Variants in UGGT2 observed in about 807,000 individuals in gnomAD.
The protein encoded by UGGT2 is UDP-glucose:glycoprotein glucosyltransferase 2.
In UGGT2, 180 loss-of-function variants were observed where a neutral mutation model predicts 192.1. That is an observed-to-expected ratio of 0.94 (90% CI 0.83 to 1.06). UGGT2 has a LOEUF of 1.06. Among genes scored for constraint, UGGT2 ranks in the 50% least tolerant of loss-of-function variants. UGGT2 has a pLI of 0.00. For missense variants in UGGT2, 1,849 were observed against 1,795.7 expected (o/e 1.03, Z -0.54); for synonymous variants, 580 against 591.0 (o/e 0.98, Z 0.27).
At chr13:95,992,373 G>C (rs2051485297) in intron 7 of UGGT2, among the ~76,000 whole-genome samples, 3 of 152,150 alleles carry the variant, frequency 2.0e-5, no homozygotes, top group African/African-American at 7.2e-5. Context: ...TCTTTCAGCA[G>C]TGTTTTGTAG....
chr13:95,827,930 T>A (rs950245963), intron 38 of UGGT2, among the ~76,000 whole-genome samples: 2 of 152,122 alleles, frequency 1.3e-5, no homozygotes, highest in Non-Finnish European at 2.9e-5. Context: ...AGTAACCAAT[T>A]CAGCATGAGA....
chr13:95,832,714 T>C (rs1459978738), intron 38 of UGGT2: 2 of 651,850 alleles, frequency 3.1e-6, no homozygotes, highest in South Asian at 1.4e-5. Context: ...TATAGAGTTA[T>C]GAGCTGAAGC....
chr13:95,879,811 ATTTT>A (rs1170280012), intron 27 of UGGT2, among the ~76,000 whole-genome samples: 1 of 152,124 alleles, frequency 6.6e-6, no homozygotes, highest in African/African-American at 2.4e-5. Flanking sequence ...TTCCCTTTAT[ATTTT>A]TATTTTCTGT....
At chr13:96,013,268 C>T in intron 5 of UGGT2, 39 bp downstream of exon 5, 1 of 1,518,126 alleles carries the variant, frequency 6.6e-7, no homozygotes, top group African/African-American at 1.4e-5. Context: ...TTGTTTTTTT[C>T]TACAGCCAAA....
At chr13:95,973,438 T>C (rs1566780583) in intron 10 of UGGT2, among the ~76,000 whole-genome samples, 1 of 152,232 alleles carries the variant, frequency 6.6e-6, no homozygotes, top group Non-Finnish European at 1.5e-5. Context: ...TACAATTTGC[T>C]AGTTGGCACA....
chr13:95,992,455 A>G (rs2051487779), intron 7 of UGGT2, among the ~76,000 whole-genome samples: 1 of 152,186 alleles, frequency 6.6e-6, no homozygotes, highest in African/African-American at 2.4e-5. Flanking sequence ...TGGCTATTGT[A>G]AATGGGATTG....
chr13:95,947,154 A>G lies in UGGT2; in HGVS notation c.1560T>C (p.Ile520=). The G allele has an allele frequency of 6.2e-7, 1 of 1,602,552 alleles. No homozygotes were observed. The highest frequency in any genetic ancestry group is 8.5e-7 in the Non-Finnish European group (1 of 1,176,986). The change falls in exon 15 of 39, where the codon ATT becomes ATC. Residue 520 remains isoleucine, a synonymous_variant. Transcript: ENST00000376747. Reference sequence around the variant, plus strand: ...CATCAACTTCATCATCTGTATTAAGAATGAACACAAAACCAATTCTGGAAA... The same window carrying G: ...CATCAACTTCATCATCTGTATTAAGGATGAACACAAAACCAATTCTGGAAA... ...EVPLRIGFVF[I]LNTDDEVDGA...
intron 4 of UGGT2, among the ~76,000 whole-genome samples, chr13:96,019,140 A>C: frequency 1.5e-5 from 1 of 65,128 alleles, no homozygotes; most frequent in East Asian, 5.0e-4. Flanking sequence ...GGGGGGGGGA[A>C]TGTTTCTGTC....
intron 27 of UGGT2, among the ~76,000 whole-genome samples, chr13:95,882,931 T>A (rs2047534495): frequency 6.6e-6 from 1 of 152,220 alleles, no homozygotes; most frequent in African/African-American, 2.4e-5. Flanking sequence ...CCAGACTCTA[T>A]TAAGAGATCT....
intron 38 of UGGT2, among the ~76,000 whole-genome samples, chr13:95,820,007 A>G (rs1885336401): frequency 6.6e-6 from 1 of 152,046 alleles, no homozygotes; most frequent in Admixed American, 6.6e-5. Context: ...AAAATACAAA[A>G]ATTAGCCAGG....
chr13:95,928,040 A>C (rs2049088411), intron 17 of UGGT2, among the ~76,000 whole-genome samples: 1 of 152,204 alleles, frequency 6.6e-6, no homozygotes, highest in African/African-American at 2.4e-5. Context: ...TACAGAACAA[A>C]ATGGAGTCTC....
chr13:95,810,818 G>A (rs540185710), intron 38 of UGGT2, among the ~76,000 whole-genome samples: 45 of 152,174 alleles, frequency 3.0e-4, no homozygotes, highest in Middle Eastern at 6.8e-3. Context: ...TCAAGAAAAT[G>A]AAAAGACAAC....
chr13:96,051,946 T>A (rs1297668403), intron 1 of UGGT2, among the ~76,000 whole-genome samples: 2 of 152,114 alleles, frequency 1.3e-5, no homozygotes, highest in African/African-American at 4.8e-5. Flanking sequence ...TAAGAGTAGA[T>A]CTACCATTTG....
At position 96,053,348 on chromosome 13, in the gene UGGT2, G is replaced by C. The variant is rs1430473970; in HGVS notation, c.-36C>G. Reference sequence around the variant, plus strand: ...GAAAAGCGCGAGTCCCTCGGACCCGGTACCCACAGTCTGTGGCCGCCACGC... The same window carrying C: ...GAAAAGCGCGAGTCCCTCGGACCCGCTACCCACAGTCTGTGGCCGCCACGC... On this transcript the variant is annotated 5_prime_UTR_variant, in exon 1 of 39. Transcript: ENST00000376747. 6 of 1,567,016 alleles carry C rather than the reference G, an allele frequency of 3.8e-6. No individual in the cohort carries two copies. The Admixed American group carries it at 7.1e-5, about 18-fold the overall frequency.
At chr13:96,048,805 A>G (rs552770860) in intron 1 of UGGT2, among the ~76,000 whole-genome samples, 5 of 152,202 alleles carry the variant, frequency 3.3e-5, no homozygotes, top group Non-Finnish European at 7.3e-5. Flanking sequence ...GAATCCCTGA[A>G]TACACCAATA....
intron 31 of UGGT2, among the ~76,000 whole-genome samples, chr13:95,861,394 C>G (rs764718434): frequency 6.6e-6 from 1 of 152,002 alleles, no homozygotes; most frequent in Non-Finnish European, 1.5e-5. Flanking sequence ...CTCCACCACG[C>G]AGGGTATGGA....
chr13:95,891,865 T>A (rs2047810387), intron 24 of UGGT2, among the ~76,000 whole-genome samples: 1 of 152,110 alleles, frequency 6.6e-6, no homozygotes, highest in Admixed American at 6.5e-5. Flanking sequence ...AAAGCTAATA[T>A]AAACACTTAC....
chr13:95,917,501 A>T (rs1044492160), intron 20 of UGGT2, among the ~76,000 whole-genome samples: 1 of 152,164 alleles, frequency 6.6e-6, no homozygotes, highest in Non-Finnish European at 1.5e-5. Context: ...TCAACCACAT[A>T]AACATGTCTG....
Position 95,900,901 on chromosome 13 carries a change from GTAT to G in UGGT2, c.2537_2539del (p.Asn846del). ...AGTTCGAAAAATATTCACTCCAACA[GTAT>G]TATATTTTTTCTCAAAAGCATTCTT... On this transcript the variant is annotated inframe_deletion, in exon 22 of 39. Coordinates refer to ENST00000376747, the MANE Select transcript of UGGT2 (RefSeq NM_020121.4). 2 of 1,604,112 alleles carry G rather than the reference GTAT, an allele frequency of 1.2e-6. No homozygotes were observed. Among genetic ancestry groups the G allele is most frequent in the South Asian group, 1.1e-5 (1 of 89,474 alleles).
Sources: gnomAD v4.1 joint callset for allele counts (sites outside exome capture counted in the v4.1 genomes callset) on GRCh38, gnomAD v4.1.1 for gene constraint, MANE v1.5 for transcripts, NCBI Gene and HGNC (gene_info 2026-07-23, HGNC 2026-07-21) for gene names.